Variants in OPCML observed in about 807,000 individuals in gnomAD.
OPCML encodes the protein opioid-binding protein/cell adhesion molecule.
OPCML carries 13 observed loss-of-function variants against 37.8 expected under a neutral mutation model. That is an observed-to-expected ratio of 0.34 (90% confidence interval 0.22 to 0.55). The LOEUF is 0.55. Among genes scored for constraint, OPCML ranks in the 20% least tolerant of loss-of-function variants. OPCML has a pLI of 0.91. For synonymous variants in OPCML, 176 were observed against 168.8 expected (o/e 1.04, Z -0.33); for missense variants, 341 against 435.6 (o/e 0.78, Z 1.93).
At chr11:132,753,594 G>A (rs1176813552) in intron 2 of OPCML, among the ~76,000 whole-genome samples, 1 of 147,882 alleles carries the variant, frequency 6.8e-6, no homozygotes, top group African/African-American at 2.6e-5. Flanking sequence ...TAGGTAGACA[G>A]ACAGATAATA....
chr11:133,374,032 T>C (rs1342033380), intron 1 of OPCML, among the ~76,000 whole-genome samples: 1 of 151,462 alleles, frequency 6.6e-6, no homozygotes, highest in Non-Finnish European at 1.5e-5. Flanking sequence ...ATGAAAAAAA[T>C]GTCTATTAAA....
At chr11:132,877,093 AGGCCACAG>A (rs1943048508) in intron 2 of OPCML, among the ~76,000 whole-genome samples, 1 of 152,198 alleles carries the variant, frequency 6.6e-6, no homozygotes, top group Admixed American at 6.5e-5. Context: ...GTGTGCCAAG[AGGCCACAG>A]TCGCCATTTA....
At chr11:133,008,701 C>G (rs1947158912) in intron 1 of OPCML, among the ~76,000 whole-genome samples, 1 of 152,196 alleles carries the variant, frequency 6.6e-6, no homozygotes, top group Admixed American at 6.5e-5. Context: ...ATTGCTGCAC[C>G]AGAATCTCCA....
intron 3 of OPCML, among the ~76,000 whole-genome samples, chr11:132,632,673 T>C (rs989077458): frequency 2.6e-5 from 4 of 152,106 alleles, no homozygotes; most frequent in African/African-American, 7.2e-5. Flanking sequence ...CTTCCCTATC[T>C]TCAGCAAGGC....
intron 2 of OPCML, among the ~76,000 whole-genome samples, chr11:132,774,502 TGTTTTACCCCA>T (rs1295478263): frequency 1.3e-5 from 2 of 152,210 alleles, no homozygotes; most frequent in Non-Finnish European, 2.9e-5. Context: ...TTTCATCTCC[TGTTTTACCCCA>T]GTCCACACCC....
intron 1 of OPCML, among the ~76,000 whole-genome samples, chr11:133,113,754 G>C (rs1159180176): frequency 6.6e-6 from 1 of 152,128 alleles, no homozygotes; most frequent in Non-Finnish European, 1.5e-5. Context: ...CCCACCGCAG[G>C]TAAGAAAGTA....
At chr11:133,086,224 G>C (rs1948816859) in intron 1 of OPCML, among the ~76,000 whole-genome samples, 1 of 152,058 alleles carries the variant, frequency 6.6e-6, no homozygotes, top group Non-Finnish European at 1.5e-5. Flanking sequence ...GGAATTAGTA[G>C]AATCTGCTTG....
intron 1 of OPCML, among the ~76,000 whole-genome samples, chr11:133,039,788 G>C (rs948155193): frequency 1.3e-5 from 2 of 152,238 alleles, no homozygotes; most frequent in African/African-American, 4.8e-5. Flanking sequence ...GGACAACTTT[G>C]GGAGGCCAAG....
chr11:133,011,330 G>A (rs1947208132), intron 1 of OPCML, among the ~76,000 whole-genome samples: 1 of 152,148 alleles, frequency 6.6e-6, no homozygotes, highest in African/African-American at 2.4e-5. Flanking sequence ...GAATAGTGAG[G>A]GCCAGTGTGA....
chr11:132,726,254 C>T (rs1944880001), intron 2 of OPCML, among the ~76,000 whole-genome samples: 1 of 152,176 alleles, frequency 6.6e-6, no homozygotes, highest in Admixed American at 6.5e-5. Flanking sequence ...GCTGGGGAGG[C>T]TTCACAATCA....
intron 1 of OPCML, among the ~76,000 whole-genome samples, chr11:133,531,106 T>C (rs1397573940): frequency 2.0e-5 from 3 of 152,226 alleles, no homozygotes; most frequent in Non-Finnish European, 4.4e-5. Flanking sequence ...AAAGAGATCC[T>C]GACTGTGCGA....
chr11:133,075,968 A>T lies in OPCML; in HGVS notation c.62-132958T>A, dbSNP rs185490541. ...CCTGTTATTTGGGATGACTTAAAGGATATAAAATATCTAATGTAAAATCCA... is the reference window on the plus strand; with the variant it reads ...CCTGTTATTTGGGATGACTTAAAGGTTATAAAATATCTAATGTAAAATCCA... On this transcript the variant is annotated intron_variant, in intron 1 of 7. Transcript: ENST00000524381. Among the ~76,000 whole-genome samples, 279 of 152,326 alleles carry T rather than the reference A, an allele frequency of 1.8e-3. 1 individual carries two copies. Among genetic ancestry groups the T allele is most frequent in the Non-Finnish European group, 2.9e-3 (196 of 68,028 alleles).
intron 1 of OPCML, among the ~76,000 whole-genome samples, chr11:133,440,814 GTA>G (rs71477798): frequency 0.34 from 46,000 of 136,924 alleles, 12,342 homozygotes; most frequent in African/African-American, 0.76. Flanking sequence ...GTGTGTATGT[GTA>G]TATATATATA....
In OPCML at chr11:132,628,690, C is replaced by A. The variant is rs145162842; in HGVS notation, c.379+28397G>T. Among the ~76,000 whole-genome samples, 717 of 152,244 alleles carry A rather than the reference C, an allele frequency of 4.7e-3. 6 individuals are homozygous for A. The highest frequency in any genetic ancestry group is 0.017 in the African/African-American group (690 of 41,538). On this transcript the variant is annotated intron_variant, in intron 3 of 7. Transcript: ENST00000524381. ...ACCACCTGTGTCCCCAGCCAAATCT[C>A]ATCTTGAATTGTAGTTCTCATAATC...
At chr11:132,937,615 T>A (rs1945434724) in intron 2 of OPCML, among the ~76,000 whole-genome samples, 1 of 148,516 alleles carries the variant, frequency 6.7e-6, no homozygotes, top group Admixed American at 6.8e-5. Context: ...TGTGTGTGTG[T>A]GTGTGTGTGT....
At chr11:133,256,590 G>C (rs185733636) in intron 1 of OPCML, among the ~76,000 whole-genome samples, 1 of 152,086 alleles carries the variant, frequency 6.6e-6, no homozygotes, top group Non-Finnish European at 1.5e-5. Flanking sequence ...ATGATTTTAC[G>C]TGATATGTGG....
intron 2 of OPCML, among the ~76,000 whole-genome samples, chr11:132,737,384 C>T (rs751001585): frequency 3.3e-5 from 5 of 152,066 alleles, no homozygotes; most frequent in African/African-American, 7.2e-5. Context: ...AAAAATCACA[C>T]GATCCCAACT....
At chr11:132,557,881 T>C (rs183973210) in intron 3 of OPCML, among the ~76,000 whole-genome samples, 1 of 152,164 alleles carries the variant, frequency 6.6e-6, no homozygotes. Context: ...CTTTTAGAGG[T>C]ATTTATAGAT....
chr11:133,312,618 T>C (rs1429967367), intron 1 of OPCML, among the ~76,000 whole-genome samples: 1 of 152,204 alleles, frequency 6.6e-6, no homozygotes, highest in Non-Finnish European at 1.5e-5. Flanking sequence ...TAGTGGAGGC[T>C]CAAAGAAAGT....
Sources: gnomAD v4.1 joint callset for allele counts (sites outside exome capture counted in the v4.1 genomes callset) on GRCh38, gnomAD v4.1.1 for gene constraint, MANE v1.5 for transcripts, NCBI Gene and HGNC (gene_info 2026-07-23, HGNC 2026-07-21) for gene names.